TMBIM1: variants seen among roughly 807,000 people sequenced by gnomAD.
TMBIM1 encodes the protein protein lifeguard 3.
In TMBIM1, 34 loss-of-function variants were observed where a neutral mutation model predicts 45.1. That is an observed-to-expected ratio of 0.75 (90% CI 0.57 to 1.00). TMBIM1 has a LOEUF of 1.00. TMBIM1 is among the 50% of genes least tolerant of loss of function. The probability of loss-of-function intolerance (pLI) is 0.00; values close to 1 mark genes in which losing one functional copy is unlikely to be tolerated. For missense variants in TMBIM1, 374 were observed against 402.4 expected (o/e 0.93, Z 0.60); for synonymous variants, 157 against 153.5 (o/e 1.02, Z -0.17).
Position 218,275,396 on chromosome 2 carries a change from C to A in TMBIM1, c.*79G>T. 2.0e-6 allele frequency: 3 copies of A among 1,523,560 alleles called. No individual in the cohort carries two copies. The highest frequency in any genetic ancestry group is 2.6e-6 in the Non-Finnish European group (3 of 1,140,212). The allele number at this position is 1,523,560 out of a possible 1,614,324, so 94.4% of individuals were successfully genotyped here. A position where few individuals can be genotyped will look rare whatever the true frequency, so the allele number is the denominator to read the frequency against. ...CAAGGGGAAGGAAAGGGGCCTAAAGCCCAGACCACAGTCATAGGGCCCAGC... is the reference window on the plus strand; with the variant it reads ...CAAGGGGAAGGAAAGGGGCCTAAAGACCAGACCACAGTCATAGGGCCCAGC... On this transcript the variant is annotated 3_prime_UTR_variant, in exon 12 of 12. Transcript: ENST00000258412.
intron 1 of TMBIM1, among the ~76,000 whole-genome samples, chr2:218,291,475 C>G (rs1340273834): frequency 2.0e-5 from 3 of 152,200 alleles, no homozygotes; most frequent in Non-Finnish European, 4.4e-5. Context: ...GAGAACTGGA[C>G]ACCTGAGGGC....
At chr2:218,279,679 AG>A (rs1189418988) in intron 3 of TMBIM1, 43 of 483,866 alleles carry the variant, frequency 8.9e-5, no homozygotes, top group African/African-American at 8.0e-4. Flanking sequence ...TGAGATGGAG[AG>A]GGTGGGTTAC....
intron 5 of TMBIM1, 105 bp from the exon 6 acceptor site, chr2:218,278,670 A>AG (rs1691521722): frequency 2.4e-6 from 3 of 1,260,642 alleles, no homozygotes; most frequent in Non-Finnish European, 3.5e-6. Flanking sequence ...TGGAAGTCTG[A>AG]GGGGAAGCAA....
At position 218,279,282 on chromosome 2, in the gene TMBIM1, G is replaced by T; in HGVS notation, c.368+7C>A. 6.3e-7 allele frequency: 1 copy of T among 1,576,446 alleles called. No homozygotes were observed. The highest frequency in any genetic ancestry group is 1.2e-5 in the South Asian group (1 of 85,254). On this transcript the variant is annotated splice_region_variant and intron_variant, in intron 4 of 11. Coordinates refer to ENST00000258412, the MANE Select transcript of TMBIM1 (RefSeq NM_022152.6). ...GTAGGAGTGGGTGGCAAAGCCTAGA[G>T]ACTTACACAAAGGTGAAGATAGCAA...
intron 8 of TMBIM1, 27 bp downstream of exon 8, chr2:218,277,606 A>G (rs771702461): frequency 1.7e-5 from 28 of 1,614,036 alleles, no homozygotes; most frequent in Non-Finnish European, 2.3e-5. Context: ...ACATTTCCCA[A>G]GAGTGGTGCT....
chr2:218,277,250 G>T, intron 9 of TMBIM1, 116 bp downstream of exon 9: 1 of 1,168,416 alleles, frequency 8.6e-7, no homozygotes, highest in Non-Finnish European at 1.3e-6. Flanking sequence ...CAGTTTTGTA[G>T]GTGCGGATGA....
At chr2:218,277,283 G>A in intron 9 of TMBIM1, 83 bp downstream of exon 9, 1 of 1,342,872 alleles carries the variant, frequency 7.4e-7, no homozygotes, top group Non-Finnish European at 1.1e-6. Flanking sequence ...CAGGTCTCTA[G>A]GGAACATCCC....
At chr2:218,280,476 AT>A in intron 2 of TMBIM1, 1 of 314,346 alleles carries the variant, frequency 3.2e-6, no homozygotes, top group Non-Finnish European at 6.2e-6. Flanking sequence ...AGAACAGGGG[AT>A]GGGGACAGAG....
rs1691173008 is a variant in TMBIM1, at chr2:218,276,054, G to A, written c.761C>T (p.Ala254Val). 1.2e-6 allele frequency: 2 copies of A among 1,613,132 alleles called. No homozygotes were observed. Among genetic ancestry groups the A allele is most frequent in the Admixed American group, 3.3e-5 (2 of 59,870 alleles). ...GGTGAAACAAATGGCCCCCAGAGCA[G>A]CATAGAGCATGTGGAGCCAGTAAAC... is the stretch of plus-strand genomic sequence containing the variant. ...QYVYWLHMLY[A>V]ALGAICFTLF... Residue 254 changes from alanine (A) to valine (V), a missense_variant, in exon 11 of 12, where the codon GCT becomes GTT. Transcript: ENST00000258412.
intron 1 of TMBIM1, among the ~76,000 whole-genome samples, chr2:218,289,635 A>AAAC (rs1421889653): frequency 1.4e-3 from 217 of 151,048 alleles, no homozygotes; most frequent in Non-Finnish European, 2.9e-3. Flanking sequence ...GAAAAAAAAA[A>AAAC]AAAAAAAAAA....
Position 218,277,425 on chromosome 2 carries a change from C to G in TMBIM1, c.580G>C (p.Ala194Pro). Reference sequence around the variant, plus strand: ...GATACCACCGCAGTGATGATCATTGCAATGATGACGGCTTTGGTTTGGTAC... The same window carrying G: ...GATACCACCGCAGTGATGATCATTGGAATGATGACGGCTTTGGTTTGGTAC... ...SMYQTKAVII[A>P]MIITAVVSIS... The change falls in exon 9 of 12, where the codon GCA becomes CCA. Residue 194 changes from alanine to proline, a missense_variant. Coordinates refer to ENST00000258412, the MANE Select transcript of TMBIM1 (RefSeq NM_022152.6). 2 of 1,614,134 alleles carry G rather than the reference C, an allele frequency of 1.2e-6. No individual in the cohort carries two copies. The highest frequency in any genetic ancestry group is 1.3e-5 in the African/African-American group (1 of 75,022).
intron 1 of TMBIM1, among the ~76,000 whole-genome samples, chr2:218,290,897 T>C (rs968700170): frequency 1.1e-4 from 16 of 152,196 alleles, no homozygotes; most frequent in Non-Finnish European, 4.4e-5. Context: ...ATCAGACATG[T>C]TGTTAGCAGA....
In TMBIM1 at chr2:218,282,126, C is replaced by T. The variant is rs563430731; in HGVS notation, c.16G>A (p.Ala6Thr). 1.4e-5 allele frequency: 21 copies of T among 1,512,904 alleles called. No homozygotes were observed. The highest frequency in any genetic ancestry group is 1.3e-4 in the East Asian group (5 of 39,816). 93.7% of individuals were successfully genotyped at this position (1,512,904 alleles called of 1,614,324 possible). The stretch of plus-strand genomic sequence containing the variant: ...TTGCGGTCTTCATATGGTGGTGGGG[C>T]GCTGGGGTTGGACATGGCTGCTCAC... MSNPS[A>T]PPPYEDRNPL... The change falls in exon 2 of 12, where the codon GCC (alanine) becomes ACC (threonine). Residue 6 changes from alanine to threonine, a missense_variant. Coordinates refer to ENST00000258412, the MANE Select transcript of TMBIM1 (RefSeq NM_022152.6).
At chr2:218,278,011 G>A in intron 6 of TMBIM1, 37 bp from the exon 7 acceptor site, 3 of 1,612,630 alleles carry the variant, frequency 1.9e-6, no homozygotes, top group African/African-American at 1.3e-5. Flanking sequence ...AATGACTTGG[G>A]GCCCCTCAGG....
intron 2 of TMBIM1, chr2:218,280,403 C>T (rs1200945915): frequency 5.8e-5 from 22 of 381,628 alleles, no homozygotes; most frequent in Middle Eastern, 8.1e-4. Context: ...TGGGGGGTCA[C>T]GATGTAGTGG....
chr2:218,281,623 G>A (rs757555933), intron 2 of TMBIM1, among the ~76,000 whole-genome samples: 3 of 152,202 alleles, frequency 2.0e-5, no homozygotes, highest in Non-Finnish European at 4.4e-5. Flanking sequence ...CCGCTTGTTG[G>A]GAAACAGAGC....
In TMBIM1 at chr2:218,277,049, G is replaced by A. The variant is rs539504756; in HGVS notation, c.690C>T (p.Leu230=). Residue 230 remains leucine, a synonymous_variant, in exon 10 of 12, where the codon CTC becomes CTT. Coordinates refer to ENST00000258412, the MANE Select transcript of TMBIM1 (RefSeq NM_022152.6). The part of the protein sequence containing the change: ...TGLFCVLGIV[L]LVTGIVTSIV... The stretch of plus-strand genomic sequence containing the variant: ...TGCTAGTGACAATCCCAGTCACCAG[G>A]AGCACAATTCCCAGGACACAGAAGA... 1.2e-6 allele frequency: 2 copies of A among 1,614,140 alleles called. No individual in the cohort carries two copies. Among genetic ancestry groups the A allele is most frequent in the African/African-American group, 1.3e-5 (1 of 75,036 alleles).
intron 1 of TMBIM1, among the ~76,000 whole-genome samples, chr2:218,288,655 C>T (rs116499671): frequency 0.014 from 2,155 of 152,220 alleles, 37 homozygotes; most frequent in African/African-American, 0.045. Context: ...GACGCTCAAC[C>T]AGTAAGTATA....
chr2:218,278,541 C>A lies in TMBIM1; in HGVS notation c.447G>T (p.Leu149=). ...TGGGTCCCTGGCAGCAGGCAAGGAT[C>A]AGGTAGGTGACAACGAAGACAGCAC... The part of the protein sequence containing the change: ...VSYAVFVVTY[L]ILACCQGPRR... Residue 149 remains leucine (L), a synonymous_variant, in exon 6 of 12, where the codon CTG becomes CTT. Transcript: ENST00000258412. 1 of 1,614,190 alleles carries A rather than the reference C, an allele frequency of 6.2e-7. No homozygotes were observed. The highest frequency in any genetic ancestry group is 8.5e-7 in the Non-Finnish European group (1 of 1,180,020).
Sources: gnomAD v4.1 joint callset for allele counts (sites outside exome capture counted in the v4.1 genomes callset) on GRCh38, gnomAD v4.1.1 for gene constraint, MANE v1.5 for transcripts, NCBI Gene and HGNC (gene_info 2026-07-23, HGNC 2026-07-21) for gene names.